Variants in CADPS observed in about 807,000 individuals in gnomAD.
CADPS encodes the protein calcium dependent secretion activator.
A neutral mutation model predicts 167.3 loss-of-function variants in CADPS; 57 were observed. The ratio of observed to expected loss-of-function variants is 0.34; its 90% confidence interval spans 0.28 to 0.42. The LOEUF (loss-of-function observed/expected upper bound fraction) is 0.42. Among genes scored for constraint, CADPS ranks in the 20% least tolerant of loss-of-function variants. CADPS has a pLI of 1.00. For missense variants in CADPS, 1,414 were observed against 1,738.1 expected, an observed-to-expected ratio of 0.81 and a Z score of 3.32; for synonymous variants, 676 against 635.3, an observed-to-expected ratio of 1.06 and a Z score of -0.96.
chr3:62,462,685 C>T (rs1471567337), intron 26 of CADPS, among the ~76,000 whole-genome samples: 1 of 152,180 alleles, frequency 6.6e-6, no homozygotes, highest in Non-Finnish European at 1.5e-5. Context: ...CTCTATGCCT[C>T]TGCACAGGGT....
intron 9 of CADPS, among the ~76,000 whole-genome samples, chr3:62,564,010 CT>C (rs201068195): frequency 6.6e-6 from 1 of 151,142 alleles, no homozygotes; most frequent in East Asian, 1.9e-4. Flanking sequence ...TGTTAGGTTT[CT>C]TTTTTTTTGA....
At chr3:62,834,957 A>G (rs1305210709) in intron 1 of CADPS, among the ~76,000 whole-genome samples, 2 of 152,170 alleles carry the variant, frequency 1.3e-5, no homozygotes, top group African/African-American at 2.4e-5. Context: ...CAGAGTTCAA[A>G]TATGGAATTT....
chr3:62,677,752 C>G lies in CADPS; in HGVS notation c.889-15358G>C, dbSNP rs115438519. The stretch of plus-strand genomic sequence containing the variant: ...GGCTTAACTTCATAATGTTAATCCT[C>G]TAACTGTTAAACCCTTCCCAGTATT... On this transcript the variant is annotated intron_variant, in intron 3 of 29. Coordinates refer to ENST00000383710, the MANE Select transcript of CADPS (RefSeq NM_003716.4). 5.1e-3 allele frequency among the ~76,000 whole-genome samples: 781 copies of G among 152,194 alleles called. 6 individuals carry two copies. Among genetic ancestry groups the G allele is most frequent in the African/African-American group, 0.018 (728 of 41,542 alleles).
intron 9 of CADPS, among the ~76,000 whole-genome samples, chr3:62,559,149 C>T (rs2078708321): frequency 6.6e-6 from 1 of 152,136 alleles, no homozygotes; most frequent in Admixed American, 6.5e-5. Context: ...AGGCCCCTTC[C>T]TTGCATTTGA....
intron 6 of CADPS, among the ~76,000 whole-genome samples, chr3:62,639,844 G>T (rs770179232): frequency 2.6e-5 from 4 of 152,044 alleles, no homozygotes; most frequent in Non-Finnish European, 4.4e-5. Flanking sequence ...TAGGCACATT[G>T]TTCCCCCTTC....
chr3:62,725,064 T>G (rs993736941), intron 3 of CADPS, among the ~76,000 whole-genome samples: 1 of 152,202 alleles, frequency 6.6e-6, no homozygotes, highest in African/African-American at 2.4e-5. Context: ...GTTTTCTGCC[T>G]TTGCTTCTTT....
intron 21 of CADPS, 49 bp from the exon 22 acceptor site, chr3:62,481,918 C>A (rs1378218691): frequency 2.1e-5 from 33 of 1,549,352 alleles, no homozygotes; most frequent in Non-Finnish European, 2.7e-5. Flanking sequence ...AGTGACAATG[C>A]AGATGTGGCA....
chr3:62,748,984 C>A (rs2082120333), intron 3 of CADPS, among the ~76,000 whole-genome samples: 1 of 152,190 alleles, frequency 6.6e-6, no homozygotes, highest in South Asian at 2.1e-4. Context: ...GTGTGCTCAG[C>A]CTACCTTACT....
At chr3:62,840,187 C>T (rs905871907) in intron 1 of CADPS, among the ~76,000 whole-genome samples, 1 of 152,190 alleles carries the variant, frequency 6.6e-6, no homozygotes, top group Non-Finnish European at 1.5e-5. Flanking sequence ...ACCTCTCTCA[C>T]CCTTAAATTT....
At chr3:62,740,426 T>C (rs946155315) in intron 3 of CADPS, among the ~76,000 whole-genome samples, 1 of 152,190 alleles carries the variant, frequency 6.6e-6, no homozygotes, top group South Asian at 2.1e-4. Flanking sequence ...TTAATTTTAA[T>C]ACACAGTAGC....
chr3:62,849,277 C>A (rs2153089949), intron 1 of CADPS, among the ~76,000 whole-genome samples: 1 of 148,676 alleles, frequency 6.7e-6, no homozygotes, highest in South Asian at 2.2e-4. Context: ...TTTCCTTCTC[C>A]TGCCTGATTG....
At chr3:62,728,208 A>G (rs1480187543) in intron 3 of CADPS, among the ~76,000 whole-genome samples, 1 of 151,798 alleles carries the variant, frequency 6.6e-6, no homozygotes, top group Admixed American at 6.6e-5. Flanking sequence ...CTAATAAATG[A>G]CAGAGCTGAA....
At chr3:62,720,526 A>G (rs1195085679) in intron 3 of CADPS, among the ~76,000 whole-genome samples, 5 of 152,060 alleles carry the variant, frequency 3.3e-5, no homozygotes, top group African/African-American at 1.2e-4. Context: ...TTTTGTAGAA[A>G]TGGGGTCTTG....
chr3:62,690,852 T>C lies in CADPS; in HGVS notation c.889-28458A>G, dbSNP rs558218915. 1.6e-3 allele frequency among the ~76,000 whole-genome samples: 243 copies of C among 152,088 alleles called. 1 individual carries two copies. The highest frequency in any genetic ancestry group is 3.2e-3 in the Admixed American group (49 of 15,270). Reference sequence around the variant, plus strand: ...GTATTTACCCAAAGGAGTCAAAGCTTATGTCCACACACAAACCTGTACACA... The same window carrying C: ...GTATTTACCCAAAGGAGTCAAAGCTCATGTCCACACACAAACCTGTACACA... On this transcript the variant is annotated intron_variant, in intron 3 of 29. Coordinates refer to ENST00000383710, the MANE Select transcript of CADPS (RefSeq NM_003716.4).
chr3:62,810,994 A>G (rs145269565), intron 1 of CADPS, among the ~76,000 whole-genome samples: 1,563 of 152,338 alleles, frequency 0.01, 30 homozygotes, highest in African/African-American at 0.035. Flanking sequence ...ACAAACCCAG[A>G]ATAGAGGAAT....
intron 1 of CADPS, among the ~76,000 whole-genome samples, chr3:62,785,925 A>T (rs2092375304): frequency 6.6e-6 from 1 of 152,032 alleles, no homozygotes; most frequent in South Asian, 2.1e-4. Context: ...AAAAAAAAAA[A>T]AAAAGGGCCA....
intron 1 of CADPS, among the ~76,000 whole-genome samples, chr3:62,821,873 G>T (rs1249038460): frequency 6.6e-6 from 1 of 152,118 alleles, no homozygotes; most frequent in Admixed American, 6.5e-5. Context: ...AAGCTGTAGT[G>T]AAGAATTCAT....
chr3:62,525,624 T>A (rs1045401287), intron 13 of CADPS, among the ~76,000 whole-genome samples: 1 of 152,102 alleles, frequency 6.6e-6, no homozygotes, highest in African/African-American at 2.4e-5. Context: ...TACACAGTTT[T>A]TGCCCTTTAT....
intron 3 of CADPS, among the ~76,000 whole-genome samples, chr3:62,675,468 A>G (rs1580202533): frequency 6.6e-6 from 1 of 152,170 alleles, no homozygotes; most frequent in African/African-American, 2.4e-5. Context: ...TCAAGTGAAC[A>G]TGGTGTAACA....
Sources: gnomAD v4.1 joint callset for allele counts (sites outside exome capture counted in the v4.1 genomes callset) on GRCh38, gnomAD v4.1.1 for gene constraint, MANE v1.5 for transcripts, NCBI Gene and HGNC (gene_info 2026-07-23, HGNC 2026-07-21) for gene names.